Variants in WDR41 observed in about 807,000 individuals in gnomAD.
WDR41 encodes WD repeat domain 41.
WDR41 carries 63 observed loss-of-function variants against 69.3 expected under a neutral mutation model. The observed-to-expected ratio is 0.91, with a 90% CI of 0.74 to 1.12. The LOEUF (loss-of-function observed/expected upper bound fraction) is 1.12, where lower values mean the gene tolerates loss of function less well. WDR41 is among the 50% of genes most tolerant of loss of function. The pLI, the probability that WDR41 is intolerant of heterozygous loss-of-function variation, is 0.00. For synonymous variants in WDR41, 185 were observed against 192.1 expected, an observed-to-expected ratio of 0.96 and a Z score of 0.31; for missense variants, 543 against 534.5, an observed-to-expected ratio of 1.02 and a Z score of -0.16.
intron 2 of WDR41, among the ~76,000 whole-genome samples, chr5:77,472,529 T>C (rs1036531074): frequency 6.6e-6 from 1 of 151,928 alleles, no homozygotes; most frequent in Non-Finnish European, 1.5e-5. Context: ...AAAACCCCAT[T>C]GTCTCAGCCC....
chr5:77,472,765 A>G (rs1158334526), intron 2 of WDR41, among the ~76,000 whole-genome samples: 10 of 151,972 alleles, frequency 6.6e-5, no homozygotes, highest in Non-Finnish European at 1.5e-4. Context: ...TCAATGAAAT[A>G]AAAGAGGATA....
At chr5:77,611,204 A>G (rs543071333) in intron 1 of WDR41, among the ~76,000 whole-genome samples, 9 of 152,196 alleles carry the variant, frequency 5.9e-5, no homozygotes, top group African/African-American at 2.2e-4. Context: ...CACATTAATA[A>G]TGGGAGACTT....
At chr5:77,484,330 C>A (rs547256928) in intron 2 of WDR41, among the ~76,000 whole-genome samples, 1 of 152,136 alleles carries the variant, frequency 6.6e-6, no homozygotes, top group Non-Finnish European at 1.5e-5. Flanking sequence ...CGAAATTCCC[C>A]GCTTGATTCA....
chr5:77,549,007 A>C (rs1046903891), intron 1 of WDR41, among the ~76,000 whole-genome samples: 1 of 152,160 alleles, frequency 6.6e-6, no homozygotes, highest in African/African-American at 2.4e-5. Context: ...ATTGGAGACT[A>C]TTATTCTAAG....
At chr5:77,447,986 G>A (rs943249820) in intron 8 of WDR41, among the ~76,000 whole-genome samples, 2 of 151,920 alleles carry the variant, frequency 1.3e-5, no homozygotes, top group African/African-American at 4.8e-5. Context: ...TTCCCCTTAC[G>A]AATTTGGCAA....
intron 2 of WDR41, among the ~76,000 whole-genome samples, chr5:77,474,729 G>A (rs1385049518): frequency 2.6e-5 from 4 of 152,142 alleles, no homozygotes; most frequent in African/African-American, 9.7e-5. Context: ...TATTTGCAAA[G>A]GTAAAACATT....
At chr5:77,608,992 G>A (rs575620280) in intron 1 of WDR41, among the ~76,000 whole-genome samples, 23 of 152,290 alleles carry the variant, frequency 1.5e-4, no homozygotes, top group South Asian at 1.2e-3. Context: ...ACGGCGCACC[G>A]GGAGATTATA....
At chr5:77,516,293 C>A (rs148304326) in intron 1 of WDR41, among the ~76,000 whole-genome samples, 206 of 151,976 alleles carry the variant, frequency 1.4e-3, no homozygotes, top group African/African-American at 4.9e-3. Context: ...ATAACAGTAC[C>A]CTTTCTAATA....
chr5:77,444,693 G>C (rs909343173), intron 8 of WDR41, among the ~76,000 whole-genome samples: 1 of 152,202 alleles, frequency 6.6e-6, no homozygotes, highest in Admixed American at 6.5e-5. Context: ...AGTGAAGCAG[G>C]GAACTGTACA....
intron 2 of WDR41, chr5:77,480,307 A>T (rs1404426646): frequency 7.4e-5 from 4 of 53,792 alleles, no homozygotes; most frequent in African/African-American, 3.2e-4. Flanking sequence ...CATTTGACCC[A>T]GCCATCCCAT....
chr5:77,557,923 C>G (rs1483653808), intron 1 of WDR41, among the ~76,000 whole-genome samples: 1 of 151,866 alleles, frequency 6.6e-6, no homozygotes, highest in Admixed American at 6.6e-5. Context: ...GTATGATTAT[C>G]TTTATATAAA....
At chr5:77,577,404 A>G (rs1171501915) in intron 1 of WDR41, among the ~76,000 whole-genome samples, 2 of 152,020 alleles carry the variant, frequency 1.3e-5, no homozygotes, top group African/African-American at 2.4e-5. Context: ...AAAATATGAG[A>G]AATTGCTCAA....
intron 1 of WDR41, among the ~76,000 whole-genome samples, chr5:77,548,580 A>G (rs1743241075): frequency 6.6e-6 from 1 of 152,242 alleles, no homozygotes; most frequent in Non-Finnish European, 1.5e-5. Flanking sequence ...ACAATGTGAT[A>G]CCATCTTACT....
intron 2 of WDR41, among the ~76,000 whole-genome samples, chr5:77,487,203 T>C (rs146635239): frequency 6.6e-6 from 1 of 152,340 alleles, no homozygotes; most frequent in Non-Finnish European, 1.5e-5. Flanking sequence ...ATTATTTAAC[T>C]TTCCTGGACA....
At chr5:77,548,512 C>A (rs541797759) in intron 1 of WDR41, among the ~76,000 whole-genome samples, 11 of 148,678 alleles carry the variant, frequency 7.4e-5, no homozygotes, top group Non-Finnish European at 1.5e-4. Context: ...AAATGGCCAA[C>A]AAACATGTGA....
intron 1 of WDR41, among the ~76,000 whole-genome samples, chr5:77,600,984 A>T (rs1330476874): frequency 6.7e-6 from 1 of 149,634 alleles, no homozygotes; most frequent in Non-Finnish European, 1.5e-5. Context: ...AACAGTGTGT[A>T]TCTAGTCATC....
chr5:77,582,439 C>A (rs1285528298), intron 1 of WDR41: 3 of 1,606,450 alleles, frequency 1.9e-6, no homozygotes, highest in African/African-American at 2.7e-5. Context: ...TAAGAAAAAG[C>A]GAAGGAATTT....
At chr5:77,466,374 T>C (rs912774017) in intron 2 of WDR41, among the ~76,000 whole-genome samples, 1 of 151,952 alleles carries the variant, frequency 6.6e-6, no homozygotes, top group African/African-American at 2.4e-5. Context: ...CTTATGTTTC[T>C]GGGCCTATTG....
intron 1 of WDR41, among the ~76,000 whole-genome samples, chr5:77,584,737 T>C (rs56164428): frequency 0.19 from 28,722 of 152,028 alleles, 2,976 homozygotes; most frequent in Admixed American, 0.24. Context: ...GACATCCTAC[T>C]CAGCAAAGGT....
Sources: allele counts gnomAD v4.1 joint callset (sites outside exome capture counted in the v4.1 genomes callset), GRCh38; gene constraint gnomAD v4.1.1; transcripts MANE v1.5; gene names NCBI Gene and HGNC (gene_info 2026-07-23, HGNC 2026-07-21).